Variants in HIVEP1 observed in about 807,000 individuals in gnomAD.
HIVEP1 encodes zinc finger protein 40.
A neutral mutation model predicts 180.0 loss-of-function variants in HIVEP1; 36 were observed. That is an observed-to-expected ratio of 0.20 (90% CI 0.15 to 0.26). The LOEUF is 0.26. Ranked by LOEUF, HIVEP1 falls within the 10% of genes least tolerant of loss-of-function variation. HIVEP1 has a pLI of 1.00. For synonymous variants in HIVEP1, 1,239 were observed against 1,239.0 expected, an observed-to-expected ratio of 1.00 and a Z score of 0.00; for missense variants, 3,143 against 3,268.7, an observed-to-expected ratio of 0.96 and a Z score of 0.94.
At chr6:12,142,570 C>G (rs1759109316) in intron 7 of HIVEP1, among the ~76,000 whole-genome samples, 1 of 151,916 alleles carries the variant, frequency 6.6e-6, no homozygotes, top group Non-Finnish European at 1.5e-5. Context: ...ACAAAAAAAC[C>G]CTTGAAAAAA....
chr6:12,108,570 G>A (rs538272460), intron 3 of HIVEP1, among the ~76,000 whole-genome samples: 2 of 152,228 alleles, frequency 1.3e-5, no homozygotes, highest in Admixed American at 6.5e-5. Flanking sequence ...GAAATCGAGC[G>A]CAGCGCTGGT....
rs535983281 is a variant in HIVEP1, at chr6:12,144,012, G to A, written c.6487+8120G>A. 5.3e-5 allele frequency among the ~76,000 whole-genome samples: 8 copies of A among 152,174 alleles called. 1 individual carries two copies. The East Asian group carries it at 9.7e-4, about 18-fold the overall frequency. On this transcript the variant is annotated intron_variant, in intron 7 of 8. Transcript: ENST00000379388. ...TCAAGCTACCAATGACTTTCTTCAC[G>A]GAACTGGAAAAAAACTACTTTAAAG...
Position 12,121,641 on chromosome 6 carries a change from T to C in HIVEP1, c.1846T>C (p.Leu616=). 6.2e-7 allele frequency: 1 copy of C among 1,613,934 alleles called. No individual in the cohort carries two copies. The change falls in exon 4 of 9, where the codon TTG becomes CTG. Residue 616 remains leucine (L), a synonymous_variant. Transcript: ENST00000379388. The surrounding 1 kb of genome is among the most constrained non-coding windows in gnomAD (Gnocchi z 5.3). The stretch of plus-strand genomic sequence containing the variant: ...CATGTCCCAGGGTGGAGTCTCCAGG[T>C]TGGAGACTAATGAGAATTCCCACCA... ...ANMSQGGVSR[L]ETNENSHQKG... is the part of the protein sequence containing the mutation.
intron 2 of HIVEP1, chr6:12,037,853 G>T: frequency 2.4e-6 from 1 of 408,794 alleles, no homozygotes; most frequent in South Asian, 9.6e-5. Context: ...TTGGACTACA[G>T]GCACATGCCA....
chr6:12,029,937 A>G (rs1768831068), intron 2 of HIVEP1, among the ~76,000 whole-genome samples: 1 of 152,278 alleles, frequency 6.6e-6, no homozygotes, highest in South Asian at 2.1e-4. Flanking sequence ...TACCACTTTT[A>G]TTCAACCTGA....
intron 2 of HIVEP1, among the ~76,000 whole-genome samples, chr6:12,031,506 C>A (rs947321169): frequency 2.0e-5 from 3 of 152,200 alleles, no homozygotes; most frequent in African/African-American, 7.2e-5. Context: ...TTCTTGAGTT[C>A]TCTTGCTATT....
chr6:12,070,095 G>A (rs1422931430), intron 2 of HIVEP1, among the ~76,000 whole-genome samples: 1 of 152,160 alleles, frequency 6.6e-6, no homozygotes, highest in African/African-American at 2.4e-5. Flanking sequence ...TTTCCCATGA[G>A]AACAGTGCTT....
intron 2 of HIVEP1, among the ~76,000 whole-genome samples, chr6:12,071,713 A>G (rs919745130): frequency 6.6e-6 from 1 of 152,228 alleles, no homozygotes; most frequent in African/African-American, 2.4e-5. Context: ...TTATTAAAAA[A>G]TAATCATTTC....
intron 7 of HIVEP1, among the ~76,000 whole-genome samples, chr6:12,143,044 A>G (rs1008944921): frequency 1.2e-4 from 19 of 152,360 alleles, no homozygotes; most frequent in Admixed American, 2.6e-4. Context: ...TGAGGCCAGC[A>G]TCATCCTGAT....
At chr6:12,017,008 C>T (rs567029684) in intron 2 of HIVEP1, among the ~76,000 whole-genome samples, 19 of 152,308 alleles carry the variant, frequency 1.2e-4, no homozygotes, top group African/African-American at 4.6e-4. Flanking sequence ...TTCCTGGCAG[C>T]TAATGGCAGC....
At chr6:12,169,796 G>A (rs1230065364), downstream of HIVEP1, among the ~76,000 whole-genome samples, 1 of 152,156 alleles carries the variant, frequency 6.6e-6, no homozygotes, top group Non-Finnish European at 1.5e-5. Context: ...AAGTGGAAGA[G>A]AGGATTCACT....
intron 2 of HIVEP1, among the ~76,000 whole-genome samples, chr6:12,054,671 T>C (rs1770749833): frequency 6.6e-6 from 1 of 152,118 alleles, no homozygotes; most frequent in Non-Finnish European, 1.5e-5. Flanking sequence ...ATAATGAACT[T>C]TTTTTGCTGT....
chr6:12,081,011 A>G (rs544063366), intron 2 of HIVEP1, among the ~76,000 whole-genome samples: 1 of 151,874 alleles, frequency 6.6e-6, no homozygotes, highest in African/African-American at 2.4e-5. Context: ...CCCCCCTCCT[A>G]TTCAGCCATC....
intron 7 of HIVEP1, among the ~76,000 whole-genome samples, chr6:12,155,425 A>G (rs1350356784): frequency 6.9e-6 from 1 of 145,808 alleles, no homozygotes; most frequent in Non-Finnish European, 1.5e-5. Context: ...CCCCCAACAG[A>G]CAGGCCCCAG....
At chr6:12,137,079 G>GCCT (rs1758746255) in intron 7 of HIVEP1, among the ~76,000 whole-genome samples, 1 of 152,132 alleles carries the variant, frequency 6.6e-6, no homozygotes, top group Non-Finnish European at 1.5e-5. Flanking sequence ...AAATGAATCA[G>GCCT]CCTGAATTTA....
the HIVEP1 span, among the ~76,000 whole-genome samples, chr6:12,195,406 T>A: frequency 0.01 from 1,533 of 152,296 alleles, 27 homozygotes; most frequent in African/African-American, 0.035. Context: ...AAAATAAGGA[T>A]TCTGACTTGT....
At chr6:12,056,019 G>A (rs1581593808) in intron 2 of HIVEP1, among the ~76,000 whole-genome samples, 1 of 152,148 alleles carries the variant, frequency 6.6e-6, no homozygotes, top group African/African-American at 2.4e-5. Flanking sequence ...ACCTTAGGTA[G>A]CAGAAGTCAT....
At chr6:12,019,297 C>T (rs6936667) in intron 2 of HIVEP1, among the ~76,000 whole-genome samples, 5,291 of 152,220 alleles carry the variant, frequency 0.035, 289 homozygotes, top group African/African-American at 0.12. Flanking sequence ...TAGAAACTTC[C>T]GCGCTCCTCA....
At chr6:12,021,582 C>T (rs1768214004) in intron 2 of HIVEP1, among the ~76,000 whole-genome samples, 2 of 152,180 alleles carry the variant, frequency 1.3e-5, no homozygotes, top group South Asian at 2.1e-4. Context: ...CATTCTTCTC[C>T]AGGTCTCTTA....
Sources: allele counts gnomAD v4.1 joint callset (sites outside exome capture counted in the v4.1 genomes callset), GRCh38; gene constraint gnomAD v4.1.1; non-coding constraint Gnocchi (gnomAD v3.1); transcripts MANE v1.5; gene names NCBI Gene and HGNC (gene_info 2026-07-23, HGNC 2026-07-21).